Variants in PTPRC observed in about 807,000 individuals in gnomAD.
The protein encoded by PTPRC is receptor-type tyrosine-protein phosphatase C.
In PTPRC, 44 loss-of-function variants were observed where a neutral mutation model predicts 155.9. The ratio of observed to expected loss-of-function variants is 0.28; its 90% CI spans 0.22 to 0.36. The LOEUF is 0.36. PTPRC is among the 10% of genes least tolerant of loss of function. PTPRC has a pLI of 1.00. For synonymous variants in PTPRC, 525 were observed against 533.1 expected, an observed-to-expected ratio of 0.98 and a Z score of 0.21; for missense variants, 1,401 against 1,564.6, an observed-to-expected ratio of 0.90 and a Z score of 1.76.
intron 29 of PTPRC, 103 bp downstream of exon 29, chr1:198,750,729 C>G (rs1471708142): frequency 7.2e-7 from 1 of 1,395,122 alleles, no homozygotes; most frequent in Admixed American, 1.7e-5. Context: ...CTTTTTTTAT[C>G]CCTCCATCAC....
At chr1:198,679,840 G>C (rs1665200015) in intron 2 of PTPRC, 1 of 585,038 alleles carries the variant, frequency 1.7e-6, no homozygotes, top group Non-Finnish European at 3.0e-6. Context: ...GTCCGGGTCT[G>C]TTAGGACCAA....
chr1:198,642,478 C>T (rs994519001), intron 2 of PTPRC, among the ~76,000 whole-genome samples: 25 of 151,800 alleles, frequency 1.6e-4, no homozygotes, highest in Admixed American at 4.0e-4. Flanking sequence ...CATTTGGTTA[C>T]GTATCATTGC....
intron 7 of PTPRC, 140 bp downstream of exon 7, chr1:198,703,512 A>G (rs1666566343): frequency 7.5e-7 from 1 of 1,326,710 alleles, no homozygotes; most frequent in Non-Finnish European, 1.1e-6. Context: ...GTGATGGAAC[A>G]GCAGGAAGAT....
intron 22 of PTPRC, among the ~76,000 whole-genome samples, chr1:198,734,835 A>C (rs916429648): frequency 6.6e-6 from 1 of 151,674 alleles, no homozygotes; most frequent in African/African-American, 2.4e-5. Flanking sequence ...AAAATTAACC[A>C]CAAGCAATCA....
chr1:198,716,876 G>A, intron 13 of PTPRC, 36 bp downstream of exon 13: 1 of 1,600,964 alleles, frequency 6.2e-7, no homozygotes, highest in Non-Finnish European at 8.5e-7. Flanking sequence ...TTCCATAAAT[G>A]GTAAAAAGCA....
At chr1:198,706,658 T>G in intron 8 of PTPRC, 76 bp from the exon 9 acceptor site, 1 of 1,481,338 alleles carries the variant, frequency 6.8e-7, no homozygotes, top group Non-Finnish European at 9.3e-7. Flanking sequence ...TTAGTTGATT[T>G]GATATTTTGG....
intron 13 of PTPRC, 115 bp from the exon 14 acceptor site, chr1:198,717,979 T>G: frequency 1.1e-6 from 1 of 879,660 alleles, no homozygotes; most frequent in South Asian, 1.5e-5. Context: ...AACTTCCTTA[T>G]TTATAACCCC....
At chr1:198,739,669 C>T (rs532402304) in intron 23 of PTPRC, among the ~76,000 whole-genome samples, 13 of 151,824 alleles carry the variant, frequency 8.6e-5, no homozygotes, top group Admixed American at 3.3e-4. Flanking sequence ...TTAGGCAGAT[C>T]ACCCAGGAAG....
rs1655282026 is a variant in PTPRC at position 198,749,454 on chromosome 1, A to G, written c.2977A>G (p.Met993Val). 1 of 1,610,054 alleles carries G rather than the reference A, an allele frequency of 6.2e-7. No homozygotes were observed. The highest frequency in any genetic ancestry group is 8.5e-7 in the Non-Finnish European group (1 of 1,177,310). The change falls in exon 28 of 33, where the codon ATG becomes GTG. Residue 993 changes from methionine to valine, a missense_variant. By Grantham distance (21) the Met-to-Val change is conservative. Coordinates refer to ENST00000442510, the MANE Select transcript of PTPRC (RefSeq NM_002838.5). ...NRVPLKHELE[M>V]SKESEHDSDE... is the part of the protein sequence containing the mutation. The stretch of plus-strand genomic sequence containing the variant: ...AGTGCCACTTAAACATGAGCTGGAA[A>G]TGAGTAAAGAGAGTGAGCATGATTC...
intron 2 of PTPRC, chr1:198,657,819 C>T (rs181613303): frequency 6.6e-6 from 1 of 152,186 alleles, no homozygotes; most frequent in African/African-American, 2.4e-5. Flanking sequence ...CTCTGCTTTA[C>T]TCCTGAATGA....
chr1:198,726,387 A>G (rs927785589), intron 15 of PTPRC, among the ~76,000 whole-genome samples: 1 of 152,212 alleles, frequency 6.6e-6, no homozygotes, highest in Admixed American at 6.5e-5. Flanking sequence ...AAAAATGTTC[A>G]CTGCAATCCA....
chr1:198,733,986 T>A (rs753155392), intron 20 of PTPRC, among the ~76,000 whole-genome samples: 1 of 151,794 alleles, frequency 6.6e-6, no homozygotes, highest in Admixed American at 6.6e-5. Flanking sequence ...ATGAAAGTCA[T>A]GAATATTCTT....
At chr1:198,699,865 C>A (rs1332599781) in intron 5 of PTPRC, 161 bp downstream of exon 5, 8 of 902,824 alleles carry the variant, frequency 8.9e-6, no homozygotes, top group Admixed American at 2.1e-5. Context: ...AACCACAGAA[C>A]AAATGTCCTT....
chr1:198,691,914 G>C (rs998740278), intron 2 of PTPRC, among the ~76,000 whole-genome samples: 3 of 152,032 alleles, frequency 2.0e-5, no homozygotes, highest in African/African-American at 7.2e-5. Context: ...TGAGCTCATT[G>C]AGGGCAGGGA....
chr1:198,696,965 T>A, intron 4 of PTPRC, 56 bp downstream of exon 4: 2 of 1,448,448 alleles, frequency 1.4e-6, no homozygotes, highest in South Asian at 2.3e-5. Context: ...TAGAAAATTC[T>A]ACAGTTATCA....
At chr1:198,708,900 T>A (rs1414608681) in intron 10 of PTPRC, among the ~76,000 whole-genome samples, 1 of 152,246 alleles carries the variant, frequency 6.6e-6, no homozygotes, top group East Asian at 1.9e-4. Flanking sequence ...GACAGACAGA[T>A]GTGCTCAGGT....
intron 5 of PTPRC, among the ~76,000 whole-genome samples, chr1:198,700,766 T>C (rs1304576186): frequency 8.5e-5 from 13 of 152,226 alleles, no homozygotes; most frequent in Non-Finnish European, 5.9e-5. Flanking sequence ...CTAATTCCAC[T>C]GATGAAAAAT....
chr1:198,757,112 C>G lies in PTPRC; in HGVS notation c.*931C>G, dbSNP rs1558044728. ...ATATAGCTATTTTTATGGAATTTTTCATTGATATGAAAAATATGATATTGC... is the reference window on the plus strand; with the variant it reads ...ATATAGCTATTTTTATGGAATTTTTGATTGATATGAAAAATATGATATTGC... On this transcript the variant is annotated 3_prime_UTR_variant, in exon 33 of 33. Transcript: ENST00000442510. The G allele has an allele frequency of 6.6e-6, 1 of 151,582 alleles. No homozygotes were observed. The highest frequency in any genetic ancestry group is 1.5e-5 in the Non-Finnish European group (1 of 67,764). The allele number at this position is 151,582 out of a possible 1,614,324, so 9.4% of individuals were successfully genotyped here.
At position 198,706,933 on chromosome 1, in the gene PTPRC, A is replaced by C. The variant is rs763464289; in HGVS notation, c.885A>C (p.Leu295Phe). 12 of 1,604,318 alleles carry C rather than the reference A, an allele frequency of 7.5e-6. No homozygotes were observed. The East Asian group carries it at 2.5e-4, about 33-fold the overall frequency. ...HNSCTAPDKTLILDVPPGVEK... is the reference protein window; with the variant it reads ...HNSCTAPDKTFILDVPPGVEK... ...CATGTACTGCTCCTGATAAGACATT[A>C]ATATTAGATGTGCCACCAGGTAAAT... The change falls in exon 9 of 33, where the codon TTA (leucine) becomes TTC (phenylalanine). Residue 295 changes from leucine to phenylalanine, a missense_variant. Transcript: ENST00000442510.
Sources: gnomAD v4.1 joint callset for allele counts (sites outside exome capture counted in the v4.1 genomes callset) on GRCh38, gnomAD v4.1.1 for gene constraint, MANE v1.5 for transcripts, NCBI Gene and HGNC (gene_info 2026-07-23, HGNC 2026-07-21) for gene names.